HUNK: variants seen among roughly 807,000 people sequenced by gnomAD.
HUNK encodes the protein hormonally up-regulated Neu-associated kinase.
A neutral mutation model predicts 61.0 loss-of-function variants in HUNK; 21 were observed. The ratio of observed to expected loss-of-function variants is 0.34; its 90% CI spans 0.24 to 0.50. The LOEUF is 0.50. Ranked by LOEUF, HUNK falls within the 20% of genes least tolerant of loss-of-function variation. HUNK has a pLI of 0.98. For missense variants in HUNK, 772 were observed against 945.7 expected (o/e 0.82, Z 2.41); for synonymous variants, 371 against 386.1 (o/e 0.96, Z 0.46).
At chr21:31,943,288 T>C (rs1601390062) in intron 3 of HUNK, among the ~76,000 whole-genome samples, 2 of 152,220 alleles carry the variant, frequency 1.3e-5, no homozygotes, top group Non-Finnish European at 2.9e-5. Flanking sequence ...AGTTTAATCT[T>C]AAAATGGAAG....
chr21:31,907,226 A>G (rs2052512013), intron 1 of HUNK, among the ~76,000 whole-genome samples: 1 of 152,192 alleles, frequency 6.6e-6, no homozygotes, highest in African/African-American at 2.4e-5. Flanking sequence ...ATGTGCTCCA[A>G]TTGTAAAACA....
At chr21:31,914,233 C>A (rs1474125351) in intron 1 of HUNK, among the ~76,000 whole-genome samples, 4 of 151,986 alleles carry the variant, frequency 2.6e-5, no homozygotes, top group Non-Finnish European at 5.9e-5. Context: ...CATGGAGAAA[C>A]CCCGTCTCTA....
At chr21:31,897,655 T>C (rs1468248068) in intron 1 of HUNK, among the ~76,000 whole-genome samples, 4 of 152,162 alleles carry the variant, frequency 2.6e-5, no homozygotes, top group Admixed American at 6.5e-5. Context: ...GGGACAGAAT[T>C]GACTCATGAC....
chr21:31,887,648 C>T (rs1477358743), intron 1 of HUNK, among the ~76,000 whole-genome samples: 1 of 152,216 alleles, frequency 6.6e-6, no homozygotes, highest in Non-Finnish European at 1.5e-5. Context: ...TTGTCACCGT[C>T]GGCTCTTTGC....
intron 9 of HUNK, among the ~76,000 whole-genome samples, chr21:31,991,777 C>A (rs566306269): frequency 1.3e-5 from 2 of 152,208 alleles, no homozygotes; most frequent in African/African-American, 4.8e-5. Context: ...AGAAAACTTA[C>A]CTCAGCTCCC....
chr21:31,974,424 C>T lies in HUNK; in HGVS notation c.1011-131C>T, dbSNP rs1306070295. 6.0e-6 allele frequency: 5 copies of T among 831,662 alleles called. No individual in the cohort carries two copies. The African/African-American group carries it at 6.9e-5, about 11-fold the overall frequency. 51.5% of individuals were successfully genotyped at this position (831,662 alleles called of 1,614,324 possible). On this transcript the variant is annotated intron_variant, in intron 6 of 10. Transcript: ENST00000270112. ...CCCTCCGCTTTTCTGAATACGAGAA[C>T]ATTTTCAAAATAAAAACTCAAGTCA... is the stretch of plus-strand genomic sequence containing the variant.
At chr21:31,980,521 C>T (rs190829388) in intron 7 of HUNK, among the ~76,000 whole-genome samples, 28 of 151,782 alleles carry the variant, frequency 1.8e-4, no homozygotes, top group South Asian at 4.2e-4. Context: ...GGATTACAGA[C>T]GCCTGCCTGC....
intron 4 of HUNK, among the ~76,000 whole-genome samples, chr21:31,949,305 A>G (rs2052832488): frequency 6.6e-6 from 1 of 152,172 alleles, no homozygotes; most frequent in Non-Finnish European, 1.5e-5. Flanking sequence ...ATTGCTAGTC[A>G]TAGACTTCAC....
chr21:32,002,335 C>G lies in HUNK; in HGVS notation c.*3151C>G, dbSNP rs2053251854. 6.6e-6 allele frequency: 1 copy of G among 152,268 alleles called. No homozygotes were observed. Among genetic ancestry groups the G allele is most frequent in the Non-Finnish European group, 1.5e-5 (1 of 68,086 alleles). The allele number at this position is 152,268 out of a possible 1,614,324, so 9.4% of individuals were successfully genotyped here. ...AACTCCTGGGCTCCAACGATCTGCCCACCTTGGCCTCCCAAAGTGCTGAGA... is the reference window on the plus strand; with the variant it reads ...AACTCCTGGGCTCCAACGATCTGCCGACCTTGGCCTCCCAAAGTGCTGAGA... On this transcript the variant is annotated 3_prime_UTR_variant, in exon 11 of 11. Coordinates refer to ENST00000270112, the MANE Select transcript of HUNK (RefSeq NM_014586.2).
chr21:31,974,593 A>C lies in HUNK; in HGVS notation c.1049A>C (p.His350Pro). ...GATCTGAGCCCGAGCGTCGTGCTGC[A>C]CATGACCGAGAAGCTGGGTTACAAG... ...LEDLSPSVVL[H>P]MTEKLGYKNS... Residue 350 changes from histidine to proline, a missense_variant, in exon 7 of 11, where the codon CAC becomes CCC. This residue lies in a region of HUNK where 359 missense variants were observed against 501.3 expected (regional missense o/e 0.72). Coordinates refer to ENST00000270112, the MANE Select transcript of HUNK (RefSeq NM_014586.2). The C allele has an allele frequency of 1.2e-6, 2 of 1,613,710 alleles. No individual in the cohort carries two copies. Among genetic ancestry groups the C allele is most frequent in the Non-Finnish European group, 1.7e-6 (2 of 1,179,888 alleles).
intron 5 of HUNK, among the ~76,000 whole-genome samples, chr21:31,963,580 C>A (rs969899037): frequency 7.2e-5 from 11 of 152,294 alleles, no homozygotes; most frequent in African/African-American, 2.6e-4. Flanking sequence ...TCACTGCAGC[C>A]TCGGCCTCCG....
At chr21:31,927,933 C>A (rs976998491) in intron 2 of HUNK, among the ~76,000 whole-genome samples, 1 of 152,218 alleles carries the variant, frequency 6.6e-6, no homozygotes, top group Non-Finnish European at 1.5e-5. Context: ...CATGAGATCA[C>A]CCTTCATTAG....
rs2053036356 is a variant in HUNK, at chr21:31,974,681, C to T, written c.1137C>T (p.Phe379=). Residue 379 remains phenylalanine, a synonymous_variant, in exon 7 of 11, where the codon TTC becomes TTT. Transcript: ENST00000270112. ...NRACHILAIY[F]LLNKKLERYL... ...CCTGCCACATCCTGGCCATCTACTTCCTCTTAAACAAGAAACTGGAGCGCT... is the reference window on the plus strand; with the variant it reads ...CCTGCCACATCCTGGCCATCTACTTTCTCTTAAACAAGAAACTGGAGCGCT... 6.2e-7 allele frequency: 1 copy of T among 1,613,944 alleles called. No individual in the cohort carries two copies.
chr21:31,873,611 C>A lies in HUNK; in HGVS notation c.-64C>A. The A allele has an allele frequency of 2.0e-6, 2 of 987,044 alleles. No homozygotes were observed. Among genetic ancestry groups the A allele is most frequent in the Non-Finnish European group, 2.4e-6 (2 of 830,326 alleles). The allele number at this position is 987,044 out of a possible 1,614,324, so 61.1% of individuals were successfully genotyped here. A position where few individuals can be genotyped will look rare whatever the true frequency, so the allele number is the denominator to read the frequency against. ...GGGAGAAGCCGGGGAAGCCGAAGAG[C>A]CTGGGGAGGAGGAGCTGCGAGCGCG... is the stretch of plus-strand genomic sequence containing the variant. On this transcript the variant is annotated 5_prime_UTR_variant, in exon 1 of 11. Transcript: ENST00000270112. The surrounding 1 kb of genome is among the most constrained non-coding windows in gnomAD (Gnocchi z 6.1).
intron 1 of HUNK, among the ~76,000 whole-genome samples, chr21:31,884,647 C>T (rs1196349723): frequency 6.6e-6 from 1 of 151,946 alleles, no homozygotes; most frequent in Non-Finnish European, 1.5e-5. Context: ...GTCCTTCCAC[C>T]ATATGAGGAC....
chr21:31,992,174 A>C (rs935339384), intron 9 of HUNK, among the ~76,000 whole-genome samples: 12 of 152,184 alleles, frequency 7.9e-5, no homozygotes, highest in African/African-American at 2.9e-4. Flanking sequence ...GGAACACAGA[A>C]GCCTGGGGTC....
intron 7 of HUNK, among the ~76,000 whole-genome samples, chr21:31,982,957 C>A (rs2053108182): frequency 6.6e-6 from 1 of 152,144 alleles, no homozygotes; most frequent in Non-Finnish European, 1.5e-5. Context: ...GCGTGTGCCA[C>A]CATGATTGGC....
At chr21:31,932,341 C>G (rs1043550735) in intron 2 of HUNK, among the ~76,000 whole-genome samples, 1 of 152,148 alleles carries the variant, frequency 6.6e-6, no homozygotes, top group African/African-American at 2.4e-5. Context: ...TCTCCTCCCT[C>G]GCACCCTCTG....
rs1044772524 is a variant in HUNK, at chr21:31,996,061, C to T, written c.1486+113C>T. Reference sequence around the variant, plus strand: ...CCTAGAGCAGAGATGATTCCTGTGCCCACAGAAAAGCAGGATTAATGGACC... The same window carrying T: ...CCTAGAGCAGAGATGATTCCTGTGCTCACAGAAAAGCAGGATTAATGGACC... On this transcript the variant is annotated intron_variant, in intron 10 of 10. Coordinates refer to ENST00000270112, the MANE Select transcript of HUNK (RefSeq NM_014586.2). The T allele has an allele frequency of 4.8e-6, 4 of 825,004 alleles. No homozygotes were observed. The African/African-American group carries it at 7.0e-5, about 14-fold the overall frequency. 51.1% of individuals were successfully genotyped at this position (825,004 alleles called of 1,614,324 possible).
Sources: gnomAD v4.1 joint callset for allele counts (sites outside exome capture counted in the v4.1 genomes callset) on GRCh38, gnomAD v4.1.1 for gene constraint, gnomAD v4.1.1 regional missense constraint, Gnocchi (gnomAD v3.1) non-coding constraint, MANE v1.5 for transcripts, NCBI Gene and HGNC (gene_info 2026-07-23, HGNC 2026-07-21) for gene names.